ANKS1B: variants seen among roughly 807,000 people sequenced by gnomAD.
ANKS1B encodes the protein ankyrin repeat and sterile alpha motif domain containing 1B.
A neutral mutation model predicts 148.3 loss-of-function variants in ANKS1B; 36 were observed. That is an observed-to-expected ratio of 0.24 (90% CI 0.19 to 0.32). The LOEUF (loss-of-function observed/expected upper bound fraction) is 0.32, where lower values mean the gene tolerates loss of function less well. Among genes scored for constraint, ANKS1B ranks in the 10% least tolerant of loss-of-function variants. ANKS1B has a pLI of 1.00. For synonymous variants in ANKS1B, 542 were observed against 560.8 expected (o/e 0.97, Z 0.47); for missense variants, 1,157 against 1,542.6 (o/e 0.75, Z 4.19).
chr12:99,948,228 G>A (rs746603256), intron 1 of ANKS1B, among the ~76,000 whole-genome samples: 3 of 151,782 alleles, frequency 2.0e-5, no homozygotes, highest in Non-Finnish European at 4.4e-5. Context: ...ATCCAAAAGC[G>A]AAAAGACCTT....
intron 10 of ANKS1B, among the ~76,000 whole-genome samples, chr12:99,502,978 C>G (rs1241464821): frequency 6.6e-6 from 1 of 152,188 alleles, no homozygotes; most frequent in East Asian, 1.9e-4. Flanking sequence ...ACTGTGTCAC[C>G]CAGGCTGCAG....
chr12:99,901,142 A>G (rs990663299), intron 1 of ANKS1B, among the ~76,000 whole-genome samples: 5 of 152,240 alleles, frequency 3.3e-5, no homozygotes, highest in African/African-American at 7.2e-5. Context: ...ACCAAATGCT[A>G]TAACTTTTAA....
At chr12:99,321,721 A>T (rs1360605922) in intron 12 of ANKS1B, among the ~76,000 whole-genome samples, 1 of 152,130 alleles carries the variant, frequency 6.6e-6, no homozygotes, top group African/African-American at 2.4e-5. Flanking sequence ...ACTGAGATGA[A>T]CCCAGTGCCT....
At chr12:99,127,378 T>C (rs2064723134) in intron 15 of ANKS1B, among the ~76,000 whole-genome samples, 2 of 152,070 alleles carry the variant, frequency 1.3e-5, no homozygotes, top group Non-Finnish European at 2.9e-5. Flanking sequence ...TGCTTCCAGA[T>C]TCTGAGATGG....
intron 15 of ANKS1B, among the ~76,000 whole-genome samples, chr12:99,104,372 A>G (rs2058677575): frequency 6.6e-6 from 1 of 152,238 alleles, no homozygotes; most frequent in African/African-American, 2.4e-5. Flanking sequence ...AGTAATAACT[A>G]TAGCTTATTA....
chr12:99,730,998 G>T (rs1359807075), intron 8 of ANKS1B, among the ~76,000 whole-genome samples: 1 of 152,120 alleles, frequency 6.6e-6, no homozygotes, highest in East Asian at 1.9e-4. Context: ...GTGCAATGTT[G>T]TTATCTCCGC....
At chr12:99,511,480 C>T (rs112455924) in intron 9 of ANKS1B, among the ~76,000 whole-genome samples, 19,169 of 151,922 alleles carry the variant, frequency 0.13, 1,516 homozygotes, top group Non-Finnish European at 0.17. Flanking sequence ...GTGAAAATGG[C>T]CATACTGTCC....
intron 10 of ANKS1B, among the ~76,000 whole-genome samples, chr12:99,481,028 T>C (rs2096401949): frequency 6.6e-6 from 1 of 151,894 alleles, no homozygotes. Flanking sequence ...CAAATGTCTT[T>C]TTTTAAAAAA....
chr12:99,353,246 C>G (rs2091633554), intron 12 of ANKS1B, among the ~76,000 whole-genome samples: 1 of 152,016 alleles, frequency 6.6e-6, no homozygotes, highest in Admixed American at 6.6e-5. Context: ...GGATGAATCT[C>G]TTATCTCCCT....
intron 8 of ANKS1B, among the ~76,000 whole-genome samples, chr12:99,667,314 A>G (rs1467450283): frequency 1.3e-5 from 2 of 150,162 alleles, no homozygotes; most frequent in Non-Finnish European, 2.9e-5. Flanking sequence ...ATGCCACCAC[A>G]CTCCAGTCTG....
intron 10 of ANKS1B, among the ~76,000 whole-genome samples, chr12:99,447,243 T>C (rs1301659176): frequency 1.3e-5 from 2 of 151,950 alleles, no homozygotes; most frequent in Admixed American, 1.3e-4. Flanking sequence ...AATAATGGCA[T>C]TGGGACACTG....
chr12:98,912,654 T>A (rs188820367), intron 17 of ANKS1B, among the ~76,000 whole-genome samples: 1 of 152,212 alleles, frequency 6.6e-6, no homozygotes, highest in Admixed American at 6.5e-5. Context: ...TAAATATTTG[T>A]CTGTTTGATG....
intron 12 of ANKS1B, among the ~76,000 whole-genome samples, chr12:99,396,027 CT>C (rs1336365477): frequency 6.6e-6 from 1 of 152,062 alleles, no homozygotes; most frequent in Non-Finnish European, 1.5e-5. Context: ...ACAGGCCCCC[CT>C]ATCTTAAAGC....
intron 17 of ANKS1B, among the ~76,000 whole-genome samples, chr12:98,888,929 A>T (rs1056182143): frequency 6.6e-6 from 1 of 152,210 alleles, no homozygotes; most frequent in Admixed American, 6.5e-5. Context: ...TATCTTGTTC[A>T]TCATTATATC....
Position 98,756,556 on chromosome 12 carries a change from CAAAAA to C in ANKS1B, c.3580-5039_3580-5035del, listed in dbSNP as rs536086383. ...TGAAACCCCATCCCTACTAAAAATA[CAAAAA>C]AAAAAAAAAAAAAAATTAGCCAGGC... On this transcript the variant is annotated intron_variant, in intron 25 of 26. Transcript: ENST00000683438. Among the ~76,000 whole-genome samples the C allele has an allele frequency of 1.7e-3, 175 of 104,558 alleles. 2 individuals carry two copies. Among genetic ancestry groups the C allele is most frequent in the African/African-American group, 5.6e-3 (164 of 29,490 alleles). The allele number at this position is 104,558 out of a possible 152,430, so 68.6% of individuals were successfully genotyped here.
At chr12:98,895,572 G>C (rs868550207) in intron 17 of ANKS1B, among the ~76,000 whole-genome samples, 2 of 152,210 alleles carry the variant, frequency 1.3e-5, no homozygotes, top group Non-Finnish European at 2.9e-5. Flanking sequence ...GAGACGCCTC[G>C]GCAGTCCTCA....
At chr12:99,291,604 C>T (rs578244937) in intron 12 of ANKS1B, among the ~76,000 whole-genome samples, 69 of 152,256 alleles carry the variant, frequency 4.5e-4, no homozygotes, top group African/African-American at 1.6e-3. Flanking sequence ...GTACAGTGAA[C>T]TTATTTTTGA....
At chr12:99,525,090 G>T (rs569246813) in intron 9 of ANKS1B, among the ~76,000 whole-genome samples, 8 of 148,148 alleles carry the variant, frequency 5.4e-5, no homozygotes, top group South Asian at 2.1e-4. Context: ...CAGAACTGAA[G>T]AATAATACAT....
At chr12:98,963,718 C>T (rs1182476308) in intron 17 of ANKS1B, among the ~76,000 whole-genome samples, 1 of 152,088 alleles carries the variant, frequency 6.6e-6, no homozygotes, top group African/African-American at 2.4e-5. Context: ...AAGAGACAGC[C>T]CATTTAATGG....
Sources: gnomAD v4.1 joint callset for allele counts (sites outside exome capture counted in the v4.1 genomes callset) on GRCh38, gnomAD v4.1.1 for gene constraint, MANE v1.5 for transcripts, NCBI Gene and HGNC (gene_info 2026-07-23, HGNC 2026-07-21) for gene names.